The following DHRSX variants were observed in gnomAD, a reference collection of about 807,000 sequenced individuals.
The protein encoded by DHRSX is polyprenol dehydrogenase.
In DHRSX, 31 loss-of-function variants were observed where a neutral mutation model predicts 34.0. The ratio of observed to expected loss-of-function variants is 0.91; its 90% CI spans 0.69 to 1.23. The LOEUF (loss-of-function observed/expected upper bound fraction) is 1.23, where lower values mean the gene tolerates loss of function less well. Ranked by LOEUF, DHRSX falls within the 50% of genes most tolerant of loss-of-function variation. The probability of loss-of-function intolerance (pLI) is 0.00; values close to 1 mark genes in which losing one functional copy is unlikely to be tolerated. For synonymous variants in DHRSX, 201 were observed against 183.8 expected, an observed-to-expected ratio of 1.09 and a Z score of -0.76; for missense variants, 414 against 428.1, an observed-to-expected ratio of 0.97 and a Z score of 0.29.
chrX:2,409,625 C>T (rs752816969), intron 2 of DHRSX, among the ~76,000 whole-genome samples: 2 of 152,238 alleles, frequency 1.3e-5, no homozygotes, highest in South Asian at 4.1e-4. Context: ...TTCAGGAACA[C>T]GCCTTTAGAA....
At chrX:2,335,607 T>C (rs753723344) in intron 3 of DHRSX, among the ~76,000 whole-genome samples, 13 of 151,974 alleles carry the variant, frequency 8.6e-5, no homozygotes, top group African/African-American at 2.9e-4. Flanking sequence ...CCCGCCACCA[T>C]GCCCAGCTAG....
intron 6 of DHRSX, among the ~76,000 whole-genome samples, chrX:2,231,625 T>G (rs1390351782): frequency 6.7e-6 from 1 of 149,788 alleles, no homozygotes; most frequent in Non-Finnish European, 1.5e-5. Context: ...CTTTCCCATC[T>G]CTTTCTCCCT....
intron 3 of DHRSX, among the ~76,000 whole-genome samples, chrX:2,312,174 C>A (rs2042172154): frequency 6.6e-6 from 1 of 152,064 alleles, no homozygotes; most frequent in Non-Finnish European, 1.5e-5. Flanking sequence ...CTCTCCACCC[C>A]CGACCAAGCA....
In DHRSX at chrX:2,249,513, C is replaced by CTT. The variant is rs753035485; in HGVS notation, c.597-6285_597-6284dup. Among the ~76,000 whole-genome samples the CTT allele has an allele frequency of 9.3e-3, 651 of 70,196 alleles. 141 individuals carry two copies. The highest frequency in any genetic ancestry group is 0.015 in the Non-Finnish European group (493 of 32,190). 46.1% of individuals were successfully genotyped at this position (70,196 alleles called of 152,430 possible). Reference sequence around the variant, plus strand: ...CCACCACGCTCAGCCCTTTTTGTGCCTTTTTTTTTTTTTTTTTTTTTTTTT... The same window carrying CTT: ...CCACCACGCTCAGCCCTTTTTGTGCCTTTTTTTTTTTTTTTTTTTTTTTTTTT... On this transcript the variant is annotated intron_variant, in intron 5 of 6. Transcript: ENST00000334651.
intron 6 of DHRSX, among the ~76,000 whole-genome samples, chrX:2,240,091 G>C (rs1196869197): frequency 4.0e-5 from 6 of 151,534 alleles, no homozygotes; most frequent in African/African-American, 1.5e-4. Flanking sequence ...TCAGGAGTTC[G>C]AGACCAGCCT....
intron 1 of DHRSX, among the ~76,000 whole-genome samples, chrX:2,432,017 C>G (rs1304743385): frequency 1.3e-5 from 2 of 151,972 alleles, no homozygotes; most frequent in Admixed American, 6.6e-5. Flanking sequence ...ATGGTGAAAC[C>G]GCATCTCTAC....
intron 2 of DHRSX, among the ~76,000 whole-genome samples, chrX:2,423,691 C>T (rs1313067564): frequency 6.6e-6 from 1 of 152,102 alleles, no homozygotes; most frequent in East Asian, 1.9e-4. Flanking sequence ...TTTAAGCTAG[C>T]TGATTTAGAC....
At chrX:2,461,638 C>A (rs1370144116) in intron 1 of DHRSX, among the ~76,000 whole-genome samples, 1 of 152,166 alleles carries the variant, frequency 6.6e-6, no homozygotes, top group African/African-American at 2.4e-5. Context: ...ACTTTGTGGG[C>A]TCCAGTGATC....
In DHRSX at chrX:2,473,889, C is replaced by CTG. The variant is rs1451809453; in HGVS notation, c.109+26926_109+26927dup. Reference sequence around the variant, plus strand: ...TGCCAGAAAGATAATGAAGCCTTGGCTGTGATTCAGACCATTTCTTGGTAT... The same window carrying CTG: ...TGCCAGAAAGATAATGAAGCCTTGGCTGTGTGATTCAGACCATTTCTTGGTAT... On this transcript the variant is annotated intron_variant, in intron 1 of 6. Coordinates refer to ENST00000334651, the MANE Select transcript of DHRSX (RefSeq NM_145177.3). Among the ~76,000 whole-genome samples the CTG allele has an allele frequency of 1.4e-5, 2 of 145,720 alleles. 1 individual carries two copies. The highest frequency in any genetic ancestry group is 5.5e-5 in the African/African-American group (2 of 36,526).
chrX:2,304,291 G>A (rs2042072529), intron 3 of DHRSX, among the ~76,000 whole-genome samples: 2 of 141,686 alleles, frequency 1.4e-5, no homozygotes, highest in Non-Finnish European at 3.1e-5. Context: ...GTGGGTGGGT[G>A]GGTGGATGGA....
rs1258377411 is a variant in DHRSX at position 2,368,831 on chromosome X, C to G, written c.286+39914G>C. 2.0e-5 allele frequency among the ~76,000 whole-genome samples: 3 copies of G among 152,026 alleles called. No individual in the cohort carries two copies. In the East Asian group the frequency reaches 5.8e-4, roughly 29 times the overall value. ...TGCCACTGAACTCCAGCCTGGGCAA[C>G]AGAACAAGACTCTGTCTCAAAAAAA... On this transcript the variant is annotated intron_variant, in intron 3 of 6. Transcript: ENST00000334651.
At chrX:2,475,553 G>C (rs1334072002) in intron 1 of DHRSX, among the ~76,000 whole-genome samples, 1 of 151,846 alleles carries the variant, frequency 6.6e-6, no homozygotes, top group Non-Finnish European at 1.5e-5. Flanking sequence ...GTGGCTAAGG[G>C]ACCGCCGCCA....
intron 1 of DHRSX, among the ~76,000 whole-genome samples, chrX:2,435,961 G>C (rs139896379): frequency 6.6e-6 from 1 of 152,156 alleles, no homozygotes; most frequent in Admixed American, 6.5e-5. Flanking sequence ...TTGGGAGGCC[G>C]AGGCAGGCGG....
intron 3 of DHRSX, among the ~76,000 whole-genome samples, chrX:2,324,489 C>T (rs67872121): frequency 0.24 from 36,532 of 151,944 alleles, 4,767 homozygotes; most frequent in African/African-American, 0.31. Flanking sequence ...TTTGTGTGCA[C>T]GTCTTCCAGC....
chrX:2,238,343 C>T (rs2016063640), intron 6 of DHRSX, among the ~76,000 whole-genome samples: 1 of 151,996 alleles, frequency 6.6e-6, no homozygotes, highest in Non-Finnish European at 1.5e-5. Flanking sequence ...GGTGACAGGG[C>T]GAGACCCCAT....
At chrX:2,409,998 TG>T (rs1223965367) in intron 2 of DHRSX, among the ~76,000 whole-genome samples, 1 of 152,152 alleles carries the variant, frequency 6.6e-6, no homozygotes, top group African/African-American at 2.4e-5. Context: ...TCCACAGTGC[TG>T]GGATGACAGG....
intron 1 of DHRSX, among the ~76,000 whole-genome samples, chrX:2,436,421 A>G (rs1038994196): frequency 6.6e-6 from 1 of 150,710 alleles, no homozygotes; most frequent in Admixed American, 6.7e-5. Flanking sequence ...AGGTTGGTGC[A>G]AAAGTTAATG....
At chrX:2,316,956 G>C (rs776428912) in intron 3 of DHRSX, among the ~76,000 whole-genome samples, 1 of 152,010 alleles carries the variant, frequency 6.6e-6, no homozygotes, top group African/African-American at 2.4e-5. Context: ...CCTGTGCTCC[G>C]TGCTTTTTCT....
At chrX:2,342,668 A>T (rs192286604) in intron 3 of DHRSX, among the ~76,000 whole-genome samples, 2 of 152,276 alleles carry the variant, frequency 1.3e-5, no homozygotes, top group Non-Finnish European at 2.9e-5. Context: ...GCAGTAGGTC[A>T]CTGACAGACT....
Sources: allele counts gnomAD v4.1 joint callset (sites outside exome capture counted in the v4.1 genomes callset), GRCh38; gene constraint gnomAD v4.1.1; transcripts MANE v1.5; gene names NCBI Gene and HGNC (gene_info 2026-07-23, HGNC 2026-07-21).